The following IRX2 variants were observed in gnomAD, a reference collection of about 807,000 sequenced individuals.
The protein encoded by IRX2 is iroquois homeobox 2.
Under a neutral mutation model 42.9 loss-of-function variants are expected in IRX2, and 26 were observed. The ratio of observed to expected loss-of-function variants is 0.61; its 90% CI spans 0.44 to 0.84. The LOEUF is 0.84. Among genes scored for constraint, IRX2 ranks in the 40% least tolerant of loss-of-function variants. IRX2 has a pLI of 0.00. For synonymous variants in IRX2, 424 were observed against 353.9 expected, an observed-to-expected ratio of 1.20 and a Z score of -2.22; for missense variants, 782 against 713.9, an observed-to-expected ratio of 1.10 and a Z score of -1.09.
rs780600315 is a variant in IRX2 at position 2,748,922 on chromosome 5, G to A, written c.786C>T (p.Asp262=). Residue 262 remains aspartate, a synonymous_variant, in exon 3 of 4, where the codon GAC becomes GAT. Transcript: ENST00000302057. ...SGSECKDKYD[D]LEDDEDDDEE... ...CGTCGTCGTCCTCGTCGTCCTCCAGGTCGTCATACTTGTCCTTGCACTCCG... is the reference window on the plus strand; with the variant it reads ...CGTCGTCGTCCTCGTCGTCCTCCAGATCGTCATACTTGTCCTTGCACTCCG... 4 of 1,596,616 alleles carry A rather than the reference G, an allele frequency of 2.5e-6. No homozygotes were observed. The highest frequency in any genetic ancestry group is 1.7e-5 in the Admixed American group (1 of 59,894).
rs750317029 is a variant in IRX2, at chr5:2,751,348, G to A, written c.66C>T (p.Ala22=). The change falls in exon 1 of 4, where the codon GCC becomes GCT. Residue 22 remains alanine, a synonymous_variant. Coordinates refer to ENST00000302057, the MANE Select transcript of IRX2 (RefSeq NM_033267.5). This position sits in a 1 kb window ranked among gnomAD's most constrained non-coding sequence, Gnocchi z 4.0. The part of the protein sequence containing the change: ...PGSLALYSCP[A]YGASALAAPR... The stretch of plus-strand genomic sequence containing the variant: ...GAGCCGCCAAAGCCGACGCGCCGTA[G>A]GCCGGGCACGAGTAGAGCGCCAGCG... The A allele has an allele frequency of 2.8e-6, 4 of 1,439,790 alleles. No individual in the cohort carries two copies. Among genetic ancestry groups the A allele is most frequent in the South Asian group, 1.3e-5 (1 of 75,974 alleles). The allele number at this position is 1,439,790 out of a possible 1,614,324, so 89.2% of individuals were successfully genotyped here. A position where few individuals can be genotyped will look rare whatever the true frequency, so the allele number is the denominator to read the frequency against.
intron 2 of IRX2, 145 bp from the exon 3 acceptor site, chr5:2,749,197 A>C: frequency 6.9e-7 from 1 of 1,459,574 alleles, no homozygotes; most frequent in Non-Finnish European, 9.0e-7. Flanking sequence ...GCGGAGCCTG[A>C]CCTCCCCGGG....
chr5:2,743,980 A>G (rs1232457629), downstream of IRX2, among the ~76,000 whole-genome samples: 2 of 152,182 alleles, frequency 1.3e-5, no homozygotes, highest in African/African-American at 4.8e-5. Flanking sequence ...GGGCATATAA[A>G]CATCAAAGAA....
intron 3 of IRX2, 72 bp from the exon 4 acceptor site, chr5:2,747,688 A>C: frequency 7.0e-7 from 1 of 1,421,198 alleles, no homozygotes; most frequent in Non-Finnish European, 9.9e-7. Context: ...CCGTGCACCC[A>C]CCATCCTCCA....
At chr5:2,740,547 AGAGCCGGGAGCAAC>A in the IRX2 span, among the ~76,000 whole-genome samples, 1 of 152,184 alleles carries the variant, frequency 6.6e-6, no homozygotes, top group South Asian at 2.1e-4. Context: ...CCGGGGCTGG[AGAGCCGGGAGCAAC>A]CCAGTTCCCT....
chr5:2,740,032 C>A, the IRX2 span, among the ~76,000 whole-genome samples: 8 of 152,150 alleles, frequency 5.3e-5, no homozygotes, highest in African/African-American at 1.9e-4. Flanking sequence ...TGGTGGCTAC[C>A]CATCCCCAGA....
At chr5:2,737,053 G>A in the IRX2 span, 930 of 152,298 alleles carry the variant, frequency 6.1e-3, 5 homozygotes, top group Non-Finnish European at 9.6e-3. Context: ...GACAGCATGC[G>A]GTGGTGGTCT....
At chr5:2,749,291 G>C in intron 2 of IRX2, 91 bp downstream of exon 2, 1 of 1,499,586 alleles carries the variant, frequency 6.7e-7, no homozygotes, top group African/African-American at 1.4e-5. Context: ...GACCTGGGGT[G>C]TCCGGCGGGC....
intron 1 of IRX2, among the ~76,000 whole-genome samples, chr5:2,750,648 C>A (rs939870664): frequency 6.6e-6 from 1 of 152,228 alleles, no homozygotes; most frequent in Non-Finnish European, 1.5e-5. Flanking sequence ...TCGGGCCGGA[C>A]TCCGGAGCCG....
Position 2,749,009 on chromosome 5 carries a change from C to A in IRX2, c.699G>T (p.Ser233=), listed in dbSNP as rs771883170. Reference sequence around the variant, plus strand: ...GAAGCTTCTCCCCGTCCGACTCGGCCGAGCACGAGTGATCCGTGAGCGAGT... The same window carrying A: ...GAAGCTTCTCCCCGTCCGACTCGGCAGAGCACGAGTGATCCGTGAGCGAGT... ...HVDSLTDHSC[S]AESDGEKLPC... Residue 233 remains serine, a synonymous_variant, in exon 3 of 4, where the codon TCG becomes TCT. Coordinates refer to ENST00000302057, the MANE Select transcript of IRX2 (RefSeq NM_033267.5). The A allele has an allele frequency of 2.5e-6, 4 of 1,597,206 alleles. No homozygotes were observed. The highest frequency in any genetic ancestry group is 3.4e-6 in the Non-Finnish European group (4 of 1,179,384).
chr5:2,736,337 G>C, the IRX2 span, among the ~76,000 whole-genome samples: 1 of 152,154 alleles, frequency 6.6e-6, no homozygotes. Flanking sequence ...CTTCTGATGC[G>C]ATTTCTGAGA....
Position 2,748,382 on chromosome 5 carries a change from G to C in IRX2, c.1326C>G (p.His442Gln). The change falls in exon 3 of 4, where the codon CAC becomes CAG. Residue 442 changes from histidine to glutamine, a missense_variant. Around this residue, in one of 3 missense-constraint regions of IRX2, gnomAD observed 520 missense variants for 437.8 expected, o/e 1.19. Transcript: ENST00000302057. ...GKAGAHPLES[H>Q]YRSPGGGYEP... ...CGTAGCCGCCGCCCGGGGACCGGTA[G>C]TGGGACTCGAGCGGGTGCGCGCCCG... The C allele has an allele frequency of 6.8e-7, 1 of 1,475,168 alleles. No individual in the cohort carries two copies. Among genetic ancestry groups the C allele is most frequent in the Non-Finnish European group, 8.9e-7 (1 of 1,119,008 alleles). The allele number at this position is 1,475,168 out of a possible 1,614,324, so 91.4% of individuals were successfully genotyped here.
At chr5:2,740,197 T>C in the IRX2 span, among the ~76,000 whole-genome samples, 1 of 150,926 alleles carries the variant, frequency 6.6e-6, no homozygotes, top group East Asian at 2.0e-4. Flanking sequence ...GCGGGGGTCC[T>C]GCCCATCAGG....
In IRX2 at chr5:2,748,638, G is replaced by C; in HGVS notation, c.1070C>G (p.Ala357Gly). The change falls in exon 3 of 4, where the codon GCC becomes GGC. Residue 357 changes from alanine (A) to glycine (G), a missense_variant. Physicochemically the swap from Ala to Gly is moderately conservative, Grantham distance 60. Around this residue, in one of 3 missense-constraint regions of IRX2, gnomAD observed 520 missense variants for 437.8 expected, o/e 1.19. Transcript: ENST00000302057. Reference protein sequence around the residue: ...PGCGPPGLPAAAAPASTGAPP... With the variant: ...PGCGPPGLPAGAAPASTGAPP... ...TGCCCCGGTTGAGGCCGGCGCGGCGGCCGCGGGCAGCCCCGGTGGCCCGCA... is the reference window on the plus strand; with the variant it reads ...TGCCCCGGTTGAGGCCGGCGCGGCGCCCGCGGGCAGCCCCGGTGGCCCGCA... 2 of 1,422,198 alleles carry C rather than the reference G, an allele frequency of 1.4e-6. No homozygotes were observed. The highest frequency in any genetic ancestry group is 9.2e-7 in the Non-Finnish European group (1 of 1,090,292). 88.1% of individuals were successfully genotyped at this position (1,422,198 alleles called of 1,614,324 possible).
At chr5:2,744,800 T>A (rs1430402613), downstream of IRX2, among the ~76,000 whole-genome samples, 1 of 152,198 alleles carries the variant, frequency 6.6e-6, no homozygotes, top group African/African-American at 2.4e-5. Flanking sequence ...TATTTAAAAC[T>A]AACAAAATAC....
At position 2,747,424 on chromosome 5, in the gene IRX2, G is replaced by A. The variant is rs960859402; in HGVS notation, c.*140C>T. The A allele has an allele frequency of 3.2e-6, 2 of 620,764 alleles. No individual in the cohort carries two copies. The highest frequency in any genetic ancestry group is 1.8e-5 in the African/African-American group (1 of 54,888). 38.5% of individuals were successfully genotyped at this position (620,764 alleles called of 1,614,324 possible). On this transcript the variant is annotated 3_prime_UTR_variant, in exon 4 of 4. Coordinates refer to ENST00000302057, the MANE Select transcript of IRX2 (RefSeq NM_033267.5). Reference sequence around the variant, plus strand: ...TTCCCCCTTAAGGAAAGAAAAGCTGGACAAGATTGAAATGCTCTGTCTTCT... The same window carrying A: ...TTCCCCCTTAAGGAAAGAAAAGCTGAACAAGATTGAAATGCTCTGTCTTCT...
At position 2,747,554 on chromosome 5, in the gene IRX2, C is replaced by A. The variant is rs759296605; in HGVS notation, c.*10G>T. ...GTGCCCACTTACTTGCATTGCTGTGCTCGGCCCTTCTATAGGTAGGGCTGG... is the reference window on the plus strand; with the variant it reads ...GTGCCCACTTACTTGCATTGCTGTGATCGGCCCTTCTATAGGTAGGGCTGG... On this transcript the variant is annotated 3_prime_UTR_variant, in exon 4 of 4. Transcript: ENST00000302057. The A allele has an allele frequency of 1.4e-5, 23 of 1,613,550 alleles. No homozygotes were observed. The highest frequency in any genetic ancestry group is 1.6e-5 in the Non-Finnish European group (19 of 1,179,574).
chr5:2,737,108 A>G, the IRX2 span: 2 of 152,272 alleles, frequency 1.3e-5, no homozygotes, highest in Non-Finnish European at 2.9e-5. Context: ...AGCCTGACCC[A>G]TGGCCTGCTC....
the IRX2 span, among the ~76,000 whole-genome samples, chr5:2,736,448 T>C: frequency 2.0e-5 from 3 of 152,266 alleles, no homozygotes; most frequent in South Asian, 2.1e-4. Flanking sequence ...ATAGTGTGCA[T>C]TGTGTCTTTA....
Sources: allele counts gnomAD v4.1 joint callset (sites outside exome capture counted in the v4.1 genomes callset), GRCh38; gene constraint gnomAD v4.1.1; regional missense constraint gnomAD v4.1.1; non-coding constraint Gnocchi (gnomAD v3.1); transcripts MANE v1.5; gene names NCBI Gene and HGNC (gene_info 2026-07-23, HGNC 2026-07-21).